The following DIP2A variants were observed in gnomAD, a reference collection of about 807,000 sequenced individuals.
DIP2A encodes the protein disco-interacting protein 2 homolog A.
Under a neutral mutation model 177.4 loss-of-function variants are expected in DIP2A, and 85 were observed. The observed-to-expected ratio is 0.48, with a 90% CI of 0.40 to 0.57. DIP2A has a LOEUF of 0.57. DIP2A is among the 20% of genes least tolerant of loss of function. The pLI, the probability that DIP2A is intolerant of heterozygous loss-of-function variation, is 0.00. For synonymous variants in DIP2A, 886 were observed against 881.8 expected (o/e 1.00, Z -0.08); for missense variants, 1,791 against 2,100.2 (o/e 0.85, Z 2.88).
At chr21:46,480,012 T>A (rs16979254) in intron 1 of DIP2A, among the ~76,000 whole-genome samples, 12,317 of 152,142 alleles carry the variant, frequency 0.081, 657 homozygotes, top group African/African-American at 0.12. Flanking sequence ...CTTCACAGAT[T>A]TTCCTCACCT....
rs1341763422 is a variant in DIP2A, at chr21:46,557,646, C to T, written c.3691C>T (p.Leu1231=). The change falls in exon 31 of 38, where the codon CTG becomes TTG. Residue 1231 remains leucine (L), a synonymous_variant. Coordinates refer to ENST00000417564, the MANE Select transcript of DIP2A (RefSeq NM_015151.4). This position sits in a 1 kb window ranked among gnomAD's most constrained non-coding sequence, Gnocchi z 6.0. The part of the protein sequence containing the change: ...PPLELESNVS[L]WLSAVSQYKA... ...GCTGGAGCTGGAGAGCAACGTGTCC[C>T]TGTGGCTGTCGGCCGTCAGCCAGTA... 6.2e-7 allele frequency: 1 copy of T among 1,612,944 alleles called. No homozygotes were observed. Among genetic ancestry groups the T allele is most frequent in the Admixed American group, 1.7e-5 (1 of 59,992 alleles).
chr21:46,475,151 G>A (rs2055734424), intron 1 of DIP2A, among the ~76,000 whole-genome samples: 1 of 151,794 alleles, frequency 6.6e-6, no homozygotes, highest in Non-Finnish European at 1.5e-5. Context: ...AAACATTGAA[G>A]TGGATAATAT....
Position 46,567,873 on chromosome 21 carries a change from G to A in DIP2A, c.*251G>A, listed in dbSNP as rs1454707921. Reference sequence around the variant, plus strand: ...TTAACAGATGGAGAGACAAGGAAAGGAAAGGAAAGGCCTGGCATGGGCATT... The same window carrying A: ...TTAACAGATGGAGAGACAAGGAAAGAAAAGGAAAGGCCTGGCATGGGCATT... On this transcript the variant is annotated 3_prime_UTR_variant, in exon 38 of 38. Coordinates refer to ENST00000417564, the MANE Select transcript of DIP2A (RefSeq NM_015151.4). 2.4e-6 allele frequency: 1 copy of A among 424,350 alleles called. No homozygotes were observed. The highest frequency in any genetic ancestry group is 4.0e-6 in the Non-Finnish European group (1 of 247,010). The allele number at this position is 424,350 out of a possible 1,614,324, so 26.3% of individuals were successfully genotyped here.
chr21:46,518,566 G>T (rs9306155), intron 8 of DIP2A, among the ~76,000 whole-genome samples: 152,372 of 152,372 alleles, frequency 1, 76,186 homozygotes, highest in Non-Finnish European at 1. Flanking sequence ...CATTTTTTCT[G>T]TAGTGAACGG....
chr21:46,541,537 G>C (rs1319363046), intron 17 of DIP2A, among the ~76,000 whole-genome samples: 2 of 152,306 alleles, frequency 1.3e-5, no homozygotes, highest in East Asian at 3.9e-4. Flanking sequence ...AACCACTGTA[G>C]TCACAGGCCC....
Position 46,567,748 on chromosome 21 carries a change from A to G in DIP2A, c.*126A>G. 2 of 1,176,606 alleles carry G rather than the reference A, an allele frequency of 1.7e-6. No individual in the cohort carries two copies. The highest frequency in any genetic ancestry group is 2.3e-6 in the Non-Finnish European group (2 of 864,046). 72.9% of individuals were successfully genotyped at this position (1,176,606 alleles called of 1,614,324 possible). A position where few individuals can be genotyped will look rare whatever the true frequency, so the allele number is the denominator to read the frequency against. On this transcript the variant is annotated 3_prime_UTR_variant, in exon 38 of 38. Transcript: ENST00000417564. Reference sequence around the variant, plus strand: ...TCCTGTGCTCTTACAGATCCCTCTCAACAATCCCCGCATCTCCTTTTAGAA... The same window carrying G: ...TCCTGTGCTCTTACAGATCCCTCTCGACAATCCCCGCATCTCCTTTTAGAA...
At position 46,563,340 on chromosome 21, in the gene DIP2A, A is replaced by T. The variant is rs1458018822; in HGVS notation, c.4090-518A>T. On this transcript the variant is annotated intron_variant, in intron 34 of 37. Transcript: ENST00000417564. The surrounding 1 kb of genome is among the most constrained non-coding windows in gnomAD (Gnocchi z 4.3). ...TGGTCTGACCTGAGCCCAGTGAGGG[A>T]ACACTGGGACCGGGCCTGGGAGGCC... Among the ~76,000 whole-genome samples the T allele has an allele frequency of 6.6e-6, 1 of 152,188 alleles. No homozygotes were observed. Among genetic ancestry groups the T allele is most frequent in the Non-Finnish European group, 1.5e-5 (1 of 68,026 alleles).
rs1199030899 is a variant in DIP2A, at chr21:46,569,066, T to G, written c.*1444T>G. 6.6e-6 allele frequency: 1 copy of G among 152,232 alleles called. No individual in the cohort carries two copies. The highest frequency in any genetic ancestry group is 6.5e-5 in the Admixed American group (1 of 15,284). 9.4% of individuals were successfully genotyped at this position (152,232 alleles called of 1,614,324 possible). A position where few individuals can be genotyped will look rare whatever the true frequency, so the allele number is the denominator to read the frequency against. On this transcript the variant is annotated 3_prime_UTR_variant, in exon 38 of 38. Transcript: ENST00000417564. ...AAGAATTTGAAGTCAAGCACGAATC[T>G]AAGACATAGATTATTTTTATATAGC... is the stretch of plus-strand genomic sequence containing the variant.
rs561447374 is a variant in DIP2A, at chr21:46,461,653, C to T, written c.91+2431C>T. ...TTCCTATCTGTTGGATCCATTTATG[C>T]TATTGTCATCTTAGAGATATGTAGG... On this transcript the variant is annotated intron_variant, in intron 1 of 37. Transcript: ENST00000417564. Among the ~76,000 whole-genome samples the T allele has an allele frequency of 5.9e-5, 9 of 152,176 alleles. No homozygotes were observed. The South Asian group carries it at 1.9e-3, about 32-fold the overall frequency.
intron 15 of DIP2A, 127 bp from the exon 16 acceptor site, chr21:46,538,355 TG>T: frequency 7.4e-7 from 1 of 1,344,754 alleles, no homozygotes; most frequent in Non-Finnish European, 9.8e-7. Context: ...GCTTGTGACC[TG>T]GGAGCTAAGT....
intron 6 of DIP2A, among the ~76,000 whole-genome samples, chr21:46,508,977 C>T (rs2058167315): frequency 6.6e-6 from 1 of 152,030 alleles, no homozygotes; most frequent in Non-Finnish European, 1.5e-5. Flanking sequence ...TGAGATCATG[C>T]CACTGCACTC....
In DIP2A at chr21:46,568,688, C is replaced by T. The variant is rs1052335153; in HGVS notation, c.*1066C>T. On this transcript the variant is annotated 3_prime_UTR_variant, in exon 38 of 38. Transcript: ENST00000417564. Reference sequence around the variant, plus strand: ...AACTTGATGCTGTTTAGTTAAATTGCTAGTTTTCCTAACACTACAATATTA... The same window carrying T: ...AACTTGATGCTGTTTAGTTAAATTGTTAGTTTTCCTAACACTACAATATTA... The T allele has an allele frequency of 6.6e-6, 1 of 152,154 alleles. No individual in the cohort carries two copies. Among genetic ancestry groups the T allele is most frequent in the Non-Finnish European group, 1.5e-5 (1 of 68,026 alleles). 9.4% of individuals were successfully genotyped at this position (152,154 alleles called of 1,614,324 possible). A position where few individuals can be genotyped will look rare whatever the true frequency, so the allele number is the denominator to read the frequency against.
intron 6 of DIP2A, among the ~76,000 whole-genome samples, chr21:46,507,425 A>T (rs1380612889): frequency 2.0e-5 from 3 of 152,194 alleles, no homozygotes; most frequent in African/African-American, 7.2e-5. Context: ...ACATTTTTGT[A>T]TGTGGGTATT....
chr21:46,573,379 A>T (rs2060978866), downstream of DIP2A, among the ~76,000 whole-genome samples: 1 of 152,008 alleles, frequency 6.6e-6, no homozygotes, highest in Non-Finnish European at 1.5e-5. Context: ...AAATATATTC[A>T]CTGGGCACAG....
intron 21 of DIP2A, among the ~76,000 whole-genome samples, chr21:46,548,300 C>T (rs2060142382): frequency 1.3e-5 from 2 of 152,172 alleles, no homozygotes; most frequent in South Asian, 2.1e-4. Flanking sequence ...GGCAGGTGTC[C>T]TTAGGGATAA....
intron 8 of DIP2A, among the ~76,000 whole-genome samples, chr21:46,517,471 T>C (rs1031208774): frequency 3.3e-5 from 5 of 152,152 alleles, no homozygotes; most frequent in Non-Finnish European, 5.9e-5. Context: ...CCCCTCCAAG[T>C]AGAGTAGTGG....
chr21:46,509,887 C>T lies in DIP2A; in HGVS notation c.904+511C>T, dbSNP rs541025191. Among the ~76,000 whole-genome samples the T allele has an allele frequency of 7.6e-4, 115 of 152,268 alleles. 1 individual carries two copies. The highest frequency in any genetic ancestry group is 1.7e-3 in the South Asian group (8 of 4,822). ...ACAGGGGCCCCATGCTGGTCCTACT[C>T]GCAGACCTTGGCTGTTTGTACAGTG... On this transcript the variant is annotated intron_variant, in intron 7 of 37. Coordinates refer to ENST00000417564, the MANE Select transcript of DIP2A (RefSeq NM_015151.4).
the DIP2A span, among the ~76,000 whole-genome samples, chr21:46,575,130 ACAAT>A: frequency 1.6e-4 from 25 of 152,158 alleles, no homozygotes; most frequent in African/African-American, 5.8e-4. Flanking sequence ...AATATATAAA[ACAAT>A]CAATGTAATA....
chr21:46,546,742 C>CTA (rs2060063026), intron 20 of DIP2A, among the ~76,000 whole-genome samples, 173 bp from the exon 21 acceptor site: 1 of 152,254 alleles, frequency 6.6e-6, no homozygotes, highest in Admixed American at 6.5e-5. Context: ...TGTTCCAGGC[C>CTA]TAGCTTGTCA....
Sources: allele counts gnomAD v4.1 joint callset (sites outside exome capture counted in the v4.1 genomes callset), GRCh38; gene constraint gnomAD v4.1.1; non-coding constraint Gnocchi (gnomAD v3.1); transcripts MANE v1.5; gene names NCBI Gene and HGNC (gene_info 2026-07-23, HGNC 2026-07-21).